FRYL: variants seen among roughly 807,000 people sequenced by gnomAD.
FRYL encodes protein furry homolog-like.
Under a neutral mutation model 351.2 loss-of-function variants are expected in FRYL, and 150 were observed. That is an observed-to-expected ratio of 0.43 (90% CI 0.37 to 0.49). The LOEUF is 0.49. FRYL is among the 20% of genes least tolerant of loss of function. The pLI, the probability that FRYL is intolerant of heterozygous loss-of-function variation, is 0.00. For missense variants in FRYL, 3,036 were observed against 3,619.3 expected, an observed-to-expected ratio of 0.84 and a Z score of 4.13; for synonymous variants, 1,153 against 1,257.1, an observed-to-expected ratio of 0.92 and a Z score of 1.75.
At chr4:48,719,077 T>C (rs1769184549) in intron 1 of FRYL, among the ~76,000 whole-genome samples, 1 of 151,620 alleles carries the variant, frequency 6.6e-6, no homozygotes, top group Admixed American at 6.6e-5. Context: ...ATCTCAGATA[T>C]TGCTTCCTAG....
chr4:48,669,988 A>G (rs891091575), intron 3 of FRYL, among the ~76,000 whole-genome samples: 17 of 152,236 alleles, frequency 1.1e-4, no homozygotes, highest in African/African-American at 4.1e-4. Flanking sequence ...GTAGGTGTAT[A>G]TACACATGGG....
chr4:48,587,488 T>C (rs1293674775), intron 18 of FRYL, among the ~76,000 whole-genome samples: 1 of 152,132 alleles, frequency 6.6e-6, no homozygotes, highest in Non-Finnish European at 1.5e-5. Context: ...CCTAATAAAA[T>C]AATCCTTATG....
rs1438238926 is a variant in FRYL at position 48,551,208 on chromosome 4, G to T, written c.4520+286C>A. Reference sequence around the variant, plus strand: ...AAATAATATTCTGGCATACAAAACAGGTGGAGTAAATACCATTTATATAGG... The same window carrying T: ...AAATAATATTCTGGCATACAAAACATGTGGAGTAAATACCATTTATATAGG... On this transcript the variant is annotated intron_variant, in intron 37 of 63. Coordinates refer to ENST00000358350, the MANE Select transcript of FRYL (RefSeq NM_015030.2). 2.0e-5 allele frequency among the ~76,000 whole-genome samples: 3 copies of T among 152,150 alleles called. No homozygotes were observed. In the East Asian group the frequency reaches 5.8e-4, roughly 29 times the overall value.
intron 9 of FRYL, among the ~76,000 whole-genome samples, chr4:48,606,922 A>G (rs1331932268): frequency 2.6e-5 from 4 of 152,216 alleles, no homozygotes; most frequent in African/African-American, 4.8e-5. Flanking sequence ...ACCAACCCAC[A>G]AAACGCCACC....
chr4:48,685,188 T>A (rs979072043), intron 2 of FRYL, among the ~76,000 whole-genome samples: 3 of 152,226 alleles, frequency 2.0e-5, no homozygotes, highest in Non-Finnish European at 4.4e-5. Flanking sequence ...GACAAGGATT[T>A]ACTTTGTAAA....
chr4:48,542,164 T>A, intron 44 of FRYL, 43 bp from the exon 45 acceptor site: 1 of 1,336,252 alleles, frequency 7.5e-7, no homozygotes. Flanking sequence ...TGCTCTGGAA[T>A]AAAGAAACTG....
rs963972427 is a variant in FRYL at position 48,609,160 on chromosome 4, G to A, written c.492-93C>T. ...TATGAAAATTCCTTATCAGAGTATT[G>A]TATAATTTTCTCTGAATATTCATTT... On this transcript the variant is annotated intron_variant, in intron 8 of 63. Coordinates refer to ENST00000358350, the MANE Select transcript of FRYL (RefSeq NM_015030.2). The A allele has an allele frequency of 9.5e-6, 7 of 738,240 alleles. No individual in the cohort carries two copies. The African/African-American group carries it at 1.1e-4, about 11-fold the overall frequency. 45.7% of individuals were successfully genotyped at this position (738,240 alleles called of 1,614,324 possible).
intron 18 of FRYL, 68 bp from the exon 19 acceptor site, chr4:48,586,796 A>G: frequency 1.9e-6 from 2 of 1,055,366 alleles, no homozygotes; most frequent in South Asian, 2.9e-5. Context: ...CAAACTTGGA[A>G]AAATAACTAC....
chr4:48,635,738 CT>C (rs1374572608), intron 3 of FRYL, among the ~76,000 whole-genome samples: 2 of 152,090 alleles, frequency 1.3e-5, no homozygotes, highest in African/African-American at 4.8e-5. Flanking sequence ...CTTATGTTGC[CT>C]TTTTTGGCTT....
chr4:48,694,262 A>G (rs140200427), intron 2 of FRYL, among the ~76,000 whole-genome samples: 45 of 152,304 alleles, frequency 3.0e-4, no homozygotes, highest in African/African-American at 1.0e-3. Context: ...TTTCACTTCA[A>G]TAAAAAAATA....
chr4:48,625,129 A>T (rs1280015520), intron 4 of FRYL, among the ~76,000 whole-genome samples: 1 of 152,266 alleles, frequency 6.6e-6, no homozygotes, highest in South Asian at 2.1e-4. Flanking sequence ...ATATGAGCCA[A>T]TTCCTTGTTA....
chr4:48,641,463 A>G (rs1560772315), intron 3 of FRYL, among the ~76,000 whole-genome samples: 1 of 152,142 alleles, frequency 6.6e-6, no homozygotes, highest in South Asian at 2.1e-4. Context: ...ACAAAAGAAA[A>G]CAAAAGGCAG....
At chr4:48,743,963 T>C (rs1335136919) in intron 1 of FRYL, among the ~76,000 whole-genome samples, 4 of 152,118 alleles carry the variant, frequency 2.6e-5, no homozygotes, top group East Asian at 3.9e-4. Flanking sequence ...ACCACCCCCA[T>C]ATACATGTGT....
At chr4:48,727,528 A>G (rs532955490) in intron 1 of FRYL, 1 of 152,256 alleles carries the variant, frequency 6.6e-6, no homozygotes, top group Non-Finnish European at 1.5e-5. Context: ...CAGTGTAAGA[A>G]AGTCTGAGAG....
intron 7 of FRYL, chr4:48,617,674 GA>G (rs919807025): frequency 6.6e-6 from 1 of 152,320 alleles, no homozygotes; most frequent in Non-Finnish European, 1.5e-5. Flanking sequence ...ACAAGGAGGG[GA>G]AGAGGACAGG....
chr4:48,500,449 A>T (rs1719301469), intron 62 of FRYL, among the ~76,000 whole-genome samples: 1 of 152,242 alleles, frequency 6.6e-6, no homozygotes, highest in East Asian at 1.9e-4. Flanking sequence ...TAAAGCAACA[A>T]GTTGTAATAA....
intron 1 of FRYL, among the ~76,000 whole-genome samples, chr4:48,712,986 A>G (rs1490728551): frequency 6.6e-6 from 1 of 152,208 alleles, no homozygotes; most frequent in Non-Finnish European, 1.5e-5. Flanking sequence ...ACTAAGCTTC[A>G]TAAGTGAAGG....
intron 1 of FRYL, among the ~76,000 whole-genome samples, chr4:48,737,535 T>A (rs561011906): frequency 1.8e-4 from 28 of 152,276 alleles, no homozygotes; most frequent in Admixed American, 7.2e-4. Context: ...CACTGGTGAA[T>A]TCTACCAAAC....
At chr4:48,738,324 A>T (rs1360545502) in intron 1 of FRYL, among the ~76,000 whole-genome samples, 7 of 152,236 alleles carry the variant, frequency 4.6e-5, no homozygotes, top group Admixed American at 3.9e-4. Flanking sequence ...AACACACAGA[A>T]TTTGACATAA....
Sources: allele counts gnomAD v4.1 joint callset (sites outside exome capture counted in the v4.1 genomes callset), GRCh38; gene constraint gnomAD v4.1.1; transcripts MANE v1.5; gene names NCBI Gene and HGNC (gene_info 2026-07-23, HGNC 2026-07-21).